The following LITAF variants were observed in gnomAD, a reference collection of about 807,000 sequenced individuals.
The protein encoded by LITAF is lipopolysaccharide-induced tumor necrosis factor-alpha factor.
In LITAF, 9 loss-of-function variants were observed where a neutral mutation model predicts 14.5. That is an observed-to-expected ratio of 0.62 (90% CI 0.37 to 1.08). The LOEUF is 1.08. Among genes scored for constraint, LITAF ranks in the 50% least tolerant of loss-of-function variants. LITAF has a pLI of 0.01. For synonymous variants in LITAF, 98 were observed against 88.2 expected, an observed-to-expected ratio of 1.11 and a Z score of -0.62; for missense variants, 206 against 213.4, an observed-to-expected ratio of 0.97 and a Z score of 0.22.
chr16:11,568,594 GAAGA>G (rs1472500688), intron 1 of LITAF, among the ~76,000 whole-genome samples: 2 of 151,716 alleles, frequency 1.3e-5, no homozygotes, highest in Non-Finnish European at 2.9e-5. Context: ...CAGGTGTGGA[GAAGA>G]AAGGGGACAT....
intron 1 of LITAF, among the ~76,000 whole-genome samples, chr16:11,593,882 T>C (rs750614152): frequency 2.6e-5 from 4 of 152,104 alleles, no homozygotes; most frequent in Admixed American, 6.6e-5. Flanking sequence ...TTTAGGGTGA[T>C]AACAATGTTC....
upstream of LITAF, among the ~76,000 whole-genome samples, chr16:11,639,698 A>C (rs1192036320): frequency 6.8e-6 from 1 of 146,422 alleles, no homozygotes; most frequent in Non-Finnish European, 1.5e-5. Context: ...ATTCATCTTT[A>C]AAATAATCTT....
chr16:11,616,160 C>T (rs140920584), intron 3 of LITAF, among the ~76,000 whole-genome samples: 1 of 152,224 alleles, frequency 6.6e-6, no homozygotes, highest in East Asian at 1.9e-4. Context: ...GTGCATCTGG[C>T]TGTTTGTATC....
upstream of LITAF, among the ~76,000 whole-genome samples, chr16:11,588,866 T>C (rs1274302859): frequency 1.3e-5 from 2 of 148,296 alleles, no homozygotes; most frequent in African/African-American, 5.1e-5. Context: ...CTTCCTTCCT[T>C]CCTTCCTTCC....
intron 3 of LITAF, chr16:11,551,743 G>C (rs1253813249): frequency 1.5e-6 from 1 of 684,654 alleles, no homozygotes; most frequent in South Asian, 1.5e-5. Flanking sequence ...GAGCTGGGCG[G>C]ATTGCAGGAG....
intron 1 of LITAF, among the ~76,000 whole-genome samples, chr16:11,595,363 A>G (rs1661271706): frequency 6.6e-6 from 1 of 152,166 alleles, no homozygotes; most frequent in Non-Finnish European, 1.5e-5. Flanking sequence ...TGCTGCCAAG[A>G]TGGAGCTGAA....
intron 1 of LITAF, among the ~76,000 whole-genome samples, chr16:11,594,306 AT>A (rs35496392): frequency 0.42 from 63,570 of 150,882 alleles, 14,352 homozygotes; most frequent in African/African-American, 0.59. Flanking sequence ...CTGTATCCCA[AT>A]TTTTTTTTTA....
At chr16:11,566,864 A>C (rs2064459083) in intron 1 of LITAF, among the ~76,000 whole-genome samples, 3 of 152,210 alleles carry the variant, frequency 2.0e-5, no homozygotes, top group Admixed American at 2.0e-4. Flanking sequence ...GCTCTAACAT[A>C]GAATCTGAGA....
At position 11,586,780 on chromosome 16, in the gene LITAF, C is replaced by G. The variant is rs1323877477; in HGVS notation, c.-6+106G>C. 6.6e-6 allele frequency: 1 copy of G among 151,936 alleles called. No homozygotes were observed. Among genetic ancestry groups the G allele is most frequent in the Non-Finnish European group, 1.5e-5 (1 of 67,816 alleles). 9.4% of individuals were successfully genotyped at this position (151,936 alleles called of 1,614,324 possible). On this transcript the variant is annotated intron_variant, in intron 1 of 3. Coordinates refer to ENST00000622633, the MANE Select transcript of LITAF (RefSeq NM_001136472.2). The surrounding 1 kb of genome is among the most constrained non-coding windows in gnomAD (Gnocchi z 6.5). ...GCGCCCCCTGGCATCCCAGGAGGCC[C>G]CAGCCAAGGGCTCAGTGCCCGGGGC...
At chr16:11,638,072 A>C (rs1468098941), upstream of LITAF, among the ~76,000 whole-genome samples, 7 of 104,372 alleles carry the variant, frequency 6.7e-5, 1 homozygote, top group East Asian at 2.2e-4. Flanking sequence ...ATATCTATAT[A>C]TATATCTATA....
At chr16:11,578,405 C>G (rs2064677620) in intron 1 of LITAF, among the ~76,000 whole-genome samples, 2 of 151,996 alleles carry the variant, frequency 1.3e-5, no homozygotes, top group African/African-American at 4.8e-5. Context: ...CAGGCACATG[C>G]CTGTAATCCC....
intron 3 of LITAF, among the ~76,000 whole-genome samples, chr16:11,609,494 G>A (rs1292135367): frequency 2.2e-4 from 34 of 152,136 alleles, no homozygotes; most frequent in African/African-American, 7.2e-5. Flanking sequence ...AATTACAGGC[G>A]TGAGCCACCG....
chr16:11,607,643 G>A (rs1018242702), intron 3 of LITAF, among the ~76,000 whole-genome samples: 9 of 151,770 alleles, frequency 5.9e-5, no homozygotes, highest in Non-Finnish European at 1.0e-4. Context: ...AAGTTACCTC[G>A]AATCCATCTT....
intron 3 of LITAF, among the ~76,000 whole-genome samples, chr16:11,616,565 G>A (rs2065020838): frequency 6.6e-6 from 1 of 151,938 alleles, no homozygotes. Flanking sequence ...TGCCACTCAG[G>A]AAATTACGAG....
At chr16:11,609,949 C>A (rs1248515821) in intron 3 of LITAF, among the ~76,000 whole-genome samples, 1 of 152,166 alleles carries the variant, frequency 6.6e-6, no homozygotes, top group Non-Finnish European at 1.5e-5. Flanking sequence ...GCCCAGAGGT[C>A]CCCGCCTGTC....
chr16:11,558,485 ATCACTTGAGCCCAGGAAT>A lies in LITAF; in HGVS notation c.-5-1768_-5-1751del, dbSNP rs1337857200. Reference sequence around the variant, plus strand: ...TACTTTGGGAGGTTGAGGCAGGAGGATCACTTGAGCCCAGGAATTCACCACCAGCCTGGGCAACATAGT... The same window carrying A: ...TACTTTGGGAGGTTGAGGCAGGAGGATCACCACCAGCCTGGGCAACATAGT... On this transcript the variant is annotated intron_variant, in intron 1 of 3. Transcript: ENST00000622633. This position sits in a 1 kb window ranked among gnomAD's most constrained non-coding sequence, Gnocchi z 4.1. 1.3e-5 allele frequency among the ~76,000 whole-genome samples: 2 copies of A among 152,178 alleles called. No homozygotes were observed. Among genetic ancestry groups the A allele is most frequent in the Non-Finnish European group, 2.9e-5 (2 of 68,026 alleles).
At chr16:11,598,740 C>T (rs1027787618), upstream of LITAF, among the ~76,000 whole-genome samples, 1 of 152,258 alleles carries the variant, frequency 6.6e-6, no homozygotes, top group African/African-American at 2.4e-5. Context: ...TGTTTTTGTT[C>T]TCTCAGCTGC....
chr16:11,600,802 C>T (rs958580925), upstream of LITAF, among the ~76,000 whole-genome samples: 10 of 152,114 alleles, frequency 6.6e-5, no homozygotes, highest in East Asian at 1.9e-4. The surrounding 1 kb of genome is among the most constrained non-coding windows in gnomAD (Gnocchi z 4.1). Context: ...GTCCCCTCTC[C>T]GCTGAAAGCC....
chr16:11,600,073 C>T (rs1294837649), upstream of LITAF, among the ~76,000 whole-genome samples: 4 of 152,108 alleles, frequency 2.6e-5, no homozygotes, highest in Non-Finnish European at 4.4e-5. This position sits in a 1 kb window ranked among gnomAD's most constrained non-coding sequence, Gnocchi z 4.1. Context: ...ATATAGTTCA[C>T]GGCAGCCTCA....
Sources: gnomAD v4.1 joint callset for allele counts (sites outside exome capture counted in the v4.1 genomes callset) on GRCh38, gnomAD v4.1.1 for gene constraint, Gnocchi (gnomAD v3.1) non-coding constraint, MANE v1.5 for transcripts, NCBI Gene and HGNC (gene_info 2026-07-23, HGNC 2026-07-21) for gene names.